The following OTUD4 variants were observed in gnomAD, a reference collection of about 807,000 sequenced individuals.
OTUD4 encodes OTU deubiquitinase 4, also known as OTU domain-containing protein 4.
A neutral mutation model predicts 130.4 loss-of-function variants in OTUD4; 24 were observed. The observed-to-expected ratio is 0.18, with a 90% CI of 0.13 to 0.26. The LOEUF is 0.26. Ranked by LOEUF, OTUD4 falls within the 10% of genes least tolerant of loss-of-function variation. OTUD4 has a pLI of 1.00. For synonymous variants in OTUD4, 420 were observed against 472.5 expected (o/e 0.89, Z 1.44); for missense variants, 1,031 against 1,329.4 (o/e 0.78, Z 3.49).
chr4:145,177,387 TA>T (rs561093236), intron 1 of OTUD4, among the ~76,000 whole-genome samples: 69 of 152,366 alleles, frequency 4.5e-4, no homozygotes, highest in African/African-American at 1.6e-3. Context: ...GCAACTTCTA[TA>T]AAGTGTGAGA....
chr4:145,158,777 G>C (rs993749750), intron 7 of OTUD4, among the ~76,000 whole-genome samples: 2 of 152,064 alleles, frequency 1.3e-5, no homozygotes, highest in Non-Finnish European at 2.9e-5. Flanking sequence ...CTAGGACCTA[G>C]GCTATGTACT....
Position 145,159,649 on chromosome 4 carries a change from CAG to C in OTUD4, c.497-16_497-15del. 6.2e-7 allele frequency: 1 copy of C among 1,610,438 alleles called. No homozygotes were observed. Among genetic ancestry groups the C allele is most frequent in the Non-Finnish European group, 8.5e-7 (1 of 1,178,242 alleles). ...CATAAAGGAGAGCTGCAATTAATGACAGACAGATTTTCCAACATTAACTACAG... is the reference window on the plus strand; with the variant it reads ...CATAAAGGAGAGCTGCAATTAATGACACAGATTTTCCAACATTAACTACAG... On this transcript the variant is annotated splice_polypyrimidine_tract_variant and intron_variant, in intron 6 of 20. Coordinates refer to ENST00000447906, the MANE Select transcript of OTUD4 (RefSeq NM_001366057.1).
intron 6 of OTUD4, among the ~76,000 whole-genome samples, chr4:145,161,421 T>A (rs1448154108): frequency 6.6e-6 from 1 of 152,202 alleles, no homozygotes; most frequent in African/African-American, 2.4e-5. Context: ...ATTGCACATA[T>A]CTTTACTGGT....
At chr4:145,140,283 T>A (rs1750497150) in intron 19 of OTUD4, among the ~76,000 whole-genome samples, 1 of 152,224 alleles carries the variant, frequency 6.6e-6, no homozygotes, top group Admixed American at 6.5e-5. Context: ...GACATTCAGG[T>A]GGCTTTCTTT....
At chr4:145,164,647 C>G (rs917862485) in intron 4 of OTUD4, among the ~76,000 whole-genome samples, 1 of 151,978 alleles carries the variant, frequency 6.6e-6, no homozygotes, top group Non-Finnish European at 1.5e-5. Flanking sequence ...TTTTGAGCAC[C>G]AACATGACAC....
At chr4:145,158,831 AG>A (rs1401810015) in intron 7 of OTUD4, among the ~76,000 whole-genome samples, 1 of 152,216 alleles carries the variant, frequency 6.6e-6, no homozygotes. Context: ...GTCCCTTTTG[AG>A]GAAATACTGA....
chr4:145,153,414 A>G (rs1751152267), intron 10 of OTUD4, among the ~76,000 whole-genome samples: 1 of 152,184 alleles, frequency 6.6e-6, no homozygotes, highest in Non-Finnish European at 1.5e-5. Flanking sequence ...GGAGCTAATA[A>G]TAGTACCTAC....
intron 13 of OTUD4, among the ~76,000 whole-genome samples, chr4:145,148,122 T>G (rs1338867924): frequency 6.6e-6 from 1 of 152,190 alleles, no homozygotes. Context: ...TCAAGTATTT[T>G]TACATACCAA....
At chr4:145,147,254 T>C (rs1750867727) in intron 13 of OTUD4, among the ~76,000 whole-genome samples, 1 of 152,146 alleles carries the variant, frequency 6.6e-6, no homozygotes, top group Non-Finnish European at 1.5e-5. Flanking sequence ...TTATCTGATT[T>C]TTTTTTAACC....
chr4:145,176,433 C>T (rs561938812), intron 1 of OTUD4, among the ~76,000 whole-genome samples: 1 of 151,514 alleles, frequency 6.6e-6, no homozygotes, highest in East Asian at 2.0e-4. Context: ...CGCCTGTAAT[C>T]CCAGCACTTT....
intron 16 of OTUD4, among the ~76,000 whole-genome samples, 158 bp downstream of exon 16, chr4:145,143,788 T>G (rs1396170605): frequency 6.6e-6 from 1 of 152,212 alleles, no homozygotes; most frequent in East Asian, 1.9e-4. Context: ...AATTTGTGAG[T>G]GACTTCTCAA....
rs1350157673 is a variant in OTUD4, at chr4:145,180,370, C to T, written c.-397G>A. ...GAAGCGAGAAAACCCCCGCCCCTGG[C>T]GCGCACGCTGGGCCGGCTCAGGTGA... On this transcript the variant is annotated 5_prime_UTR_variant, in exon 1 of 21. Transcript: ENST00000447906. 1.3e-5 allele frequency among the ~76,000 whole-genome samples: 2 copies of T among 152,202 alleles called. No individual in the cohort carries two copies. The highest frequency in any genetic ancestry group is 2.9e-5 in the Non-Finnish European group (2 of 68,034).
chr4:145,175,230 TAAAAA>T (rs1296875606), intron 1 of OTUD4, among the ~76,000 whole-genome samples: 2 of 152,234 alleles, frequency 1.3e-5, no homozygotes, highest in Non-Finnish European at 2.9e-5. Context: ...AGGCTCTGTG[TAAAAA>T]TTTAAGTCCA....
At chr4:145,169,146 T>C (rs1244894244) in intron 3 of OTUD4, among the ~76,000 whole-genome samples, 3 of 152,176 alleles carry the variant, frequency 2.0e-5, no homozygotes, top group Admixed American at 6.5e-5. Context: ...GGAAGAGGAT[T>C]AACTGCAAAA....
chr4:145,138,390 A>G lies in OTUD4; in HGVS notation c.2385T>C (p.Val795=). ...IGPPTFSSPL[V]IPPSQVSESH... is the part of the protein sequence containing the mutation. The stretch of plus-strand genomic sequence containing the variant: ...TTTCAGACACCTGAGATGGAGGGAT[A>G]ACCAGAGGTGAAGAAAATGTCGGCG... The change falls in exon 21 of 21, where the codon GTT becomes GTC. Residue 795 remains valine, a synonymous_variant. Coordinates refer to ENST00000447906, the MANE Select transcript of OTUD4 (RefSeq NM_001366057.1). 2 of 1,614,226 alleles carry G rather than the reference A, an allele frequency of 1.2e-6. No homozygotes were observed. The highest frequency in any genetic ancestry group is 1.7e-6 in the Non-Finnish European group (2 of 1,180,032).
intron 1 of OTUD4, 149 bp from the exon 2 acceptor site, chr4:145,174,893 T>C (rs13143992): frequency 1.7e-5 from 10 of 587,650 alleles, no homozygotes; most frequent in Non-Finnish European, 2.8e-5. Flanking sequence ...TCTTTACTCA[T>C]TCCTACCTCT....
chr4:145,157,017 T>C (rs897631493), intron 7 of OTUD4, among the ~76,000 whole-genome samples: 23 of 152,154 alleles, frequency 1.5e-4, no homozygotes, highest in Admixed American at 5.2e-4. Context: ...TATGTGCAGA[T>C]TGTGGTATAC....
chr4:145,171,530 G>A, intron 3 of OTUD4, 140 bp downstream of exon 3: 1 of 533,856 alleles, frequency 1.9e-6, no homozygotes, highest in East Asian at 3.1e-5. Context: ...AAAATGTGTA[G>A]GAAACGTTTA....
At chr4:145,179,758 G>T in intron 1 of OTUD4, 57 bp downstream of exon 1, 1 of 1,140,668 alleles carries the variant, frequency 8.8e-7, no homozygotes, top group Non-Finnish European at 1.2e-6. Context: ...TCCCCACCCA[G>T]ACCCGCCGGG....
Sources: allele counts gnomAD v4.1 joint callset (sites outside exome capture counted in the v4.1 genomes callset), GRCh38; gene constraint gnomAD v4.1.1; transcripts MANE v1.5; gene names NCBI Gene and HGNC (gene_info 2026-07-23, HGNC 2026-07-21).